The following DMD variants were observed in gnomAD, a reference collection of about 807,000 sequenced individuals.
DMD encodes dystrophin.
In DMD, 63 loss-of-function variants were observed where a neutral mutation model predicts 330.1. The observed-to-expected ratio is 0.19, with a 90% CI of 0.16 to 0.24. DMD has a LOEUF of 0.24. Among genes scored for constraint, DMD ranks in the 10% least tolerant of loss-of-function variants. The probability of loss-of-function intolerance (pLI) is 1.00; values close to 1 mark genes in which losing one functional copy is unlikely to be tolerated. For synonymous variants in DMD, 1,223 were observed against 959.8 expected (o/e 1.27, Z -5.07); for missense variants, 3,344 against 2,684.1 (o/e 1.25, Z -5.43).
chrX:32,386,116 ATGTT>A (rs2097956257), intron 33 of DMD, among the ~76,000 whole-genome samples, 190 bp downstream of exon 33: 1 of 110,275 alleles, frequency 9.1e-6, no homozygotes, highest in South Asian at 3.7e-4. Context: ...ATATGTGTAT[ATGTT>A]TATCTTTGTG....
intron 62 of DMD, among the ~76,000 whole-genome samples, chrX:31,263,698 T>C (rs2050747407): frequency 8.9e-6 from 1 of 112,198 alleles, no homozygotes; most frequent in East Asian, 2.8e-4. Flanking sequence ...CACAAACCTT[T>C]TATTTCTAAG....
chrX:33,323,496 G>A (rs1314724634), intron 1 of DMD, among the ~76,000 whole-genome samples: 3 of 111,600 alleles, frequency 2.7e-5, no homozygotes, highest in Non-Finnish European at 5.7e-5. Flanking sequence ...GTTATAGGGT[G>A]AAAGTTGGAA....
intron 13 of DMD, among the ~76,000 whole-genome samples, chrX:32,584,654 A>G (rs79895225): frequency 0.013 from 1,436 of 112,302 alleles, 22 homozygotes; most frequent in African/African-American, 0.043. Context: ...CAGTGAAAAA[A>G]GCCAGTTAAA....
chrX:33,181,154 A>G (rs751537766), intron 1 of DMD, among the ~76,000 whole-genome samples: 2 of 111,410 alleles, frequency 1.8e-5, no homozygotes, highest in Non-Finnish European at 3.8e-5. Context: ...AATTAATCCA[A>G]TTATTGAAAG....
intron 2 of DMD, among the ~76,000 whole-genome samples, chrX:32,906,664 T>C (rs2086752931): frequency 9.0e-6 from 1 of 111,349 alleles, no homozygotes; most frequent in Admixed American, 9.6e-5. Context: ...ATGAGAGGCG[T>C]TTTAATGAAG....
Position 32,426,704 on chromosome X carries a change from A to G in DMD, c.4071+11537T>C, listed in dbSNP as rs779493324. ...TTCACAATAGCAAAGATACAGAATC[A>G]ACCTAAATGCCCTCCATGGTAGACT... On this transcript the variant is annotated intron_variant, in intron 29 of 78. Transcript: ENST00000357033. 4.5e-5 allele frequency among the ~76,000 whole-genome samples: 5 copies of G among 111,799 alleles called. No homozygotes were observed. The South Asian group carries it at 1.9e-3, about 42-fold the overall frequency.
intron 2 of DMD, among the ~76,000 whole-genome samples, chrX:32,910,886 G>A (rs1020017424): frequency 8.9e-6 from 1 of 112,110 alleles, no homozygotes; most frequent in Admixed American, 9.5e-5. Flanking sequence ...ATGTCTTAGA[G>A]CTCTTTCAAT....
chrX:32,690,046 G>T (rs1267258866), intron 9 of DMD, among the ~76,000 whole-genome samples: 4 of 107,354 alleles, frequency 3.7e-5, no homozygotes, highest in Non-Finnish European at 5.7e-5. Context: ...GGCAATACTG[G>T]AAGTCCTTGC....
At chrX:32,277,968 A>G (rs770066650) in intron 43 of DMD, among the ~76,000 whole-genome samples, 18 of 111,446 alleles carry the variant, frequency 1.6e-4, no homozygotes, top group Non-Finnish European at 9.4e-5. Context: ...AGATCAGAGC[A>G]GAAATAAATG....
At chrX:32,325,764 C>T (rs1197421927) in intron 41 of DMD, among the ~76,000 whole-genome samples, 7 of 108,527 alleles carry the variant, frequency 6.5e-5, no homozygotes, top group Non-Finnish European at 1.3e-4. Flanking sequence ...TGACAGCATC[C>T]AATACTCGAT....
chrX:31,593,157 C>G (rs749584265), intron 55 of DMD, among the ~76,000 whole-genome samples: 2 of 110,970 alleles, frequency 1.8e-5, no homozygotes, highest in East Asian at 5.7e-4. Flanking sequence ...ATTTGTAAAC[C>G]GCATATAGAA....
intron 55 of DMD, among the ~76,000 whole-genome samples, chrX:31,552,941 T>C: frequency 8.9e-6 from 1 of 111,737 alleles, no homozygotes; most frequent in Non-Finnish European, 1.9e-5. Context: ...GTAGTAGTAG[T>C]AGTATGGAAA....
At chrX:33,056,319 A>G (rs1406202775) in intron 1 of DMD, among the ~76,000 whole-genome samples, 2 of 105,539 alleles carry the variant, frequency 1.9e-5, no homozygotes, top group Non-Finnish European at 3.9e-5. Context: ...TTCTAACTCA[A>G]TTATCTGACC....
At chrX:31,141,305 T>C (rs1433717685) in intron 76 of DMD, among the ~76,000 whole-genome samples, 1 of 112,358 alleles carries the variant, frequency 8.9e-6, no homozygotes, top group Non-Finnish European at 1.9e-5. Flanking sequence ...AAGGATGCTA[T>C]ATTTCAGGTT....
chrX:31,127,342 G>A (rs922884733), intron 77 of DMD, among the ~76,000 whole-genome samples: 2 of 111,647 alleles, frequency 1.8e-5, no homozygotes, highest in Non-Finnish European at 1.9e-5. Flanking sequence ...GGAGCCTTAC[G>A]AGGCAATGGC....
rs12689442 is a variant in DMD at position 33,016,762 on chromosome X, T to G, written c.93+3377A>C. ...CTCTCAATTGAGCTGGCAGTAAATA[T>G]TTTTTCCCATAAAATTTTTTCTCAA... is the stretch of plus-strand genomic sequence containing the variant. On this transcript the variant is annotated intron_variant, in intron 2 of 78. Transcript: ENST00000357033. Among the ~76,000 whole-genome samples, 55 of 111,740 alleles carry G rather than the reference T, an allele frequency of 4.9e-4. No individual in the cohort carries two copies. The East Asian group carries it at 0.015, about 31-fold the overall frequency.
intron 1 of DMD, among the ~76,000 whole-genome samples, chrX:33,142,386 G>A (rs749513191): frequency 6.5e-4 from 74 of 113,090 alleles, no homozygotes; most frequent in African/African-American, 2.3e-3. Context: ...TGCCCGGCGA[G>A]GCTTTTAAAT....
At chrX:32,172,349 T>C (rs140598194) in intron 44 of DMD, among the ~76,000 whole-genome samples, 1,345 of 112,317 alleles carry the variant, frequency 0.012, 18 homozygotes, top group African/African-American at 0.041. Flanking sequence ...TCAAATGTTA[T>C]AAGGCATTTT....
At chrX:31,420,228 G>A (rs2063294663) in intron 60 of DMD, among the ~76,000 whole-genome samples, 1 of 112,607 alleles carries the variant, frequency 8.9e-6, no homozygotes, top group Admixed American at 9.4e-5. Flanking sequence ...AATAAAGACA[G>A]GAGTTAGGAA....
Sources: gnomAD v4.1 joint callset for allele counts (sites outside exome capture counted in the v4.1 genomes callset) on GRCh38, gnomAD v4.1.1 for gene constraint, MANE v1.5 for transcripts, NCBI Gene and HGNC (gene_info 2026-07-23, HGNC 2026-07-21) for gene names.